APOE: variants seen among roughly 807,000 people sequenced by gnomAD.
APOE encodes the protein apolipoprotein E, also known as apolipoprotein E3.
In APOE, 10 loss-of-function variants were observed where a neutral mutation model predicts 13.1. The ratio of observed to expected loss-of-function variants is 0.76; its 90% confidence interval spans 0.47 to 1.29. The LOEUF (loss-of-function observed/expected upper bound fraction) is 1.29, where lower values mean the gene tolerates loss of function less well. Ranked by LOEUF, APOE falls within the 50% of genes most tolerant of loss-of-function variation. APOE has a pLI of 0.00. For synonymous variants in APOE, 211 were observed against 207.1 expected (o/e 1.02, Z -0.16); for missense variants, 471 against 459.6 (o/e 1.02, Z -0.23).
intron 3 of APOE, 90 bp from the exon 4 acceptor site, chr19:44,908,443 C>T: frequency 7.5e-7 from 1 of 1,337,916 alleles, no homozygotes; most frequent in South Asian, 1.2e-5. Context: ...CCTCTTGGGT[C>T]TCTCTGGCTC....
rs778237451 is a variant in APOE at position 44,909,071 on chromosome 19, G to C, written c.775G>C (p.Ala259Pro). ...EVKEQVAEVR[A>P]KLEEQAQQIR... Reference sequence around the variant, plus strand: ...GAAGGAGCAGGTGGCGGAGGTGCGCGCCAAGCTGGAGGAGCAGGCCCAGCA... The same window carrying C: ...GAAGGAGCAGGTGGCGGAGGTGCGCCCCAAGCTGGAGGAGCAGGCCCAGCA... The change falls in exon 4 of 4, where the codon GCC becomes CCC. Residue 259 changes from alanine to proline, a missense_variant. By Grantham distance (27) the Ala-to-Pro change is conservative. Coordinates refer to ENST00000252486, the MANE Select transcript of APOE (RefSeq NM_000041.4). 6.4e-7 allele frequency: 1 copy of C among 1,572,742 alleles called. No homozygotes were observed. Among genetic ancestry groups the C allele is most frequent in the South Asian group, 1.1e-5 (1 of 87,016 alleles).
At position 44,908,619 on chromosome 19, in the gene APOE, G is replaced by A. The variant is rs749160976; in HGVS notation, c.323G>A (p.Arg108Gln). ...CTGACCCCGGTGGCGGAGGAGACGCGGGCACGGCTGTCCAAGGAGCTGCAG... is the reference window on the plus strand; with the variant it reads ...CTGACCCCGGTGGCGGAGGAGACGCAGGCACGGCTGTCCAAGGAGCTGCAG... ...EQLTPVAEET[R>Q]ARLSKELQAA... is the part of the protein sequence containing the mutation. The change falls in exon 4 of 4, where the codon CGG becomes CAG. Residue 108 changes from arginine (R) to glutamine (Q), a missense_variant. By Grantham distance (43) the Arg-to-Gln change is conservative. Coordinates refer to ENST00000252486, the MANE Select transcript of APOE (RefSeq NM_000041.4). 1.1e-5 allele frequency: 17 copies of A among 1,608,670 alleles called. No individual in the cohort carries two copies. The highest frequency in any genetic ancestry group is 1.4e-5 in the Non-Finnish European group (16 of 1,177,530).
rs559532612 is a variant in APOE at position 44,906,664 on chromosome 19, G to A, written c.40G>A (p.Ala14Thr). ...LWAALLVTFL[A>T]GCQAKVEQAV... Reference sequence around the variant, plus strand: ...GGCTGCGTTGCTGGTCACATTCCTGGCAGGTATGGGGGCGGGGCTTGCTCG... The same window carrying A: ...GGCTGCGTTGCTGGTCACATTCCTGACAGGTATGGGGGCGGGGCTTGCTCG... The change falls in exon 2 of 4, where the codon GCA becomes ACA. Residue 14 changes from alanine to threonine, a missense_variant. Transcript: ENST00000252486. 2 of 1,613,966 alleles carry A rather than the reference G, an allele frequency of 1.2e-6. No individual in the cohort carries two copies. Among genetic ancestry groups the A allele is most frequent in the Admixed American group, 1.7e-5 (1 of 60,000 alleles).
At position 44,909,016 on chromosome 19, in the gene APOE, C is replaced by T. The variant is rs1599954305; in HGVS notation, c.720C>T (p.Gly240=). 6.5e-7 allele frequency: 1 copy of T among 1,537,850 alleles called. No homozygotes were observed. The highest frequency in any genetic ancestry group is 2.4e-5 in the East Asian group (1 of 40,942). ...ERLRARMEEM[G]SRTRDRLDEV... ...TGCGCGCGCGGATGGAGGAGATGGG[C>T]AGCCGGACCCGCGACCGCCTGGACG... Residue 240 remains glycine (G), a synonymous_variant, in exon 4 of 4, where the codon GGC becomes GGT. Coordinates refer to ENST00000252486, the MANE Select transcript of APOE (RefSeq NM_000041.4).
intron 2 of APOE, 53 bp downstream of exon 2, chr19:44,906,720 A>T: frequency 1.3e-6 from 2 of 1,576,250 alleles, no homozygotes; most frequent in Non-Finnish European, 1.7e-6. Context: ...TCTCATCCTC[A>T]CCTCAACCTC....
chr19:44,906,491 G>C, intron 1 of APOE, 111 bp from the exon 2 acceptor site: 1 of 1,108,600 alleles, frequency 9.0e-7, no homozygotes, highest in Non-Finnish European at 1.4e-6. Context: ...GGCTGTTGCA[G>C]ATAATGCAAC....
In APOE at chr19:44,905,851, G is replaced by A; in HGVS notation, c.-24+10G>A. On this transcript the variant is annotated intron_variant, in intron 1 of 3. Transcript: ENST00000252486. Reference sequence around the variant, plus strand: ...CCTTCCCCAGGAGCCGGTGAGAAGCGCAGTCGGGGGCACGGGGATGAGCTC... The same window carrying A: ...CCTTCCCCAGGAGCCGGTGAGAAGCACAGTCGGGGGCACGGGGATGAGCTC... 1 of 1,295,746 alleles carries A rather than the reference G, an allele frequency of 7.7e-7. No individual in the cohort carries two copies. The highest frequency in any genetic ancestry group is 1.0e-6 in the Non-Finnish European group (1 of 985,924). 80.3% of individuals were successfully genotyped at this position (1,295,746 alleles called of 1,614,324 possible). A position where few individuals can be genotyped will look rare whatever the true frequency, so the allele number is the denominator to read the frequency against.
In APOE at chr19:44,909,221, G is replaced by T; in HGVS notation, c.925G>T (p.Ala309Ser). ...EKVQAAVGTS[A>S]APVPSDNH ...GGTGCAGGCTGCCGTGGGCACCAGCGCCGCCCCTGTGCCCAGCGACAATCA... is the reference window on the plus strand; with the variant it reads ...GGTGCAGGCTGCCGTGGGCACCAGCTCCGCCCCTGTGCCCAGCGACAATCA... The change falls in exon 4 of 4, where the codon GCC (alanine) becomes TCC (serine). Residue 309 changes from alanine to serine, a missense_variant. Coordinates refer to ENST00000252486, the MANE Select transcript of APOE (RefSeq NM_000041.4). 6.3e-7 allele frequency: 1 copy of T among 1,596,610 alleles called. No homozygotes were observed. Among genetic ancestry groups the T allele is most frequent in the Non-Finnish European group, 8.5e-7 (1 of 1,178,994 alleles).
intron 1 of APOE, 171 bp downstream of exon 1, chr19:44,906,012 C>A (rs1040320817): frequency 2.6e-5 from 28 of 1,070,968 alleles, no homozygotes; most frequent in Non-Finnish European, 3.4e-5. Flanking sequence ...CTGGGAAGGG[C>A]TGGGCAGCAG....
chr19:44,906,915 C>G (rs1969819883), intron 2 of APOE: 1 of 552,248 alleles, frequency 1.8e-6, no homozygotes, highest in Admixed American at 3.1e-5. Context: ...AAGTCTCGCT[C>G]TGTCGCCCAG....
In APOE at chr19:44,908,625, G is replaced by C; in HGVS notation, c.329G>C (p.Arg110Pro). The C allele has an allele frequency of 6.2e-7, 1 of 1,607,240 alleles. No homozygotes were observed. Among genetic ancestry groups the C allele is most frequent in the Non-Finnish European group, 8.5e-7 (1 of 1,176,812 alleles). Residue 110 changes from arginine to proline, a missense_variant, in exon 4 of 4, where the codon CGG becomes CCG. Physicochemically the swap from Arg to Pro is moderately radical, Grantham distance 103. Coordinates refer to ENST00000252486, the MANE Select transcript of APOE (RefSeq NM_000041.4). ...CCGGTGGCGGAGGAGACGCGGGCACGGCTGTCCAAGGAGCTGCAGGCGGCG... is the reference window on the plus strand; with the variant it reads ...CCGGTGGCGGAGGAGACGCGGGCACCGCTGTCCAAGGAGCTGCAGGCGGCG... ...LTPVAEETRA[R>P]LSKELQAAQA...
intron 3 of APOE, among the ~76,000 whole-genome samples, chr19:44,908,316 A>G (rs1457636366): frequency 2.0e-5 from 3 of 152,104 alleles, no homozygotes; most frequent in Non-Finnish European, 2.9e-5. Context: ...GATTAGAGGC[A>G]TGAGCCACCT....
intron 1 of APOE, 49 bp from the exon 2 acceptor site, chr19:44,906,553 G>C: frequency 1.2e-6 from 2 of 1,607,208 alleles, no homozygotes; most frequent in Non-Finnish European, 1.7e-6. Context: ...CGGGCTGGGG[G>C]TGGGAGGAGT....
chr19:44,909,290 TGCCTCCTGCCTCCGCGCAG>T lies in APOE; in HGVS notation c.*41_*59del. ...AGCCATGCGACCCCACGCCACCCCG[TGCCTCCTGCCTCCGCGCAG>T]CCTGCAGCGGGAGACCCTGTCCCCG... On this transcript the variant is annotated 3_prime_UTR_variant, in exon 4 of 4. Coordinates refer to ENST00000252486, the MANE Select transcript of APOE (RefSeq NM_000041.4). 1 of 1,569,274 alleles carries T rather than the reference TGCCTCCTGCCTCCGCGCAG, an allele frequency of 6.4e-7. No homozygotes were observed. The highest frequency in any genetic ancestry group is 8.6e-7 in the Non-Finnish European group (1 of 1,156,272).
rs1190120890 is a variant in APOE at position 44,908,816 on chromosome 19, C to A, written c.520C>A (p.Gln174Lys). Residue 174 changes from glutamine (Q) to lysine (K), a missense_variant, in exon 4 of 4, where the codon CAG (glutamine) becomes AAG (lysine). Physicochemically the swap from Gln to Lys is moderately conservative, Grantham distance 53. Coordinates refer to ENST00000252486, the MANE Select transcript of APOE (RefSeq NM_000041.4). ...GCTCCTCCGCGATGCCGATGACCTG[C>A]AGAAGCGCCTGGCAGTGTACCAGGC... is the stretch of plus-strand genomic sequence containing the variant. ...KRLLRDADDLQKRLAVYQAGA... is the reference protein window; with the variant it reads ...KRLLRDADDLKKRLAVYQAGA... 5 of 1,543,574 alleles carry A rather than the reference C, an allele frequency of 3.2e-6. No homozygotes were observed. In the South Asian group the frequency reaches 5.9e-5, roughly 18 times the overall value.
chr19:44,908,311 G>A (rs1457006429), intron 3 of APOE, among the ~76,000 whole-genome samples: 1 of 152,048 alleles, frequency 6.6e-6, no homozygotes, highest in African/African-American at 2.4e-5. Flanking sequence ...GCTGGGATTA[G>A]AGGCATGAGC....
chr19:44,909,158 G>A lies in APOE; in HGVS notation c.862G>A (p.Glu288Lys). 1 of 1,601,458 alleles carries A rather than the reference G, an allele frequency of 6.2e-7. No individual in the cohort carries two copies. Among genetic ancestry groups the A allele is most frequent in the East Asian group, 2.2e-5 (1 of 44,806 alleles). Residue 288 changes from glutamate to lysine, a missense_variant, in exon 4 of 4, where the codon GAA becomes AAA. By Grantham distance (56) the Glu-to-Lys change is moderately conservative. Coordinates refer to ENST00000252486, the MANE Select transcript of APOE (RefSeq NM_000041.4). ...RLKSWFEPLV[E>K]DMQRQWAGLV... is the part of the protein sequence containing the mutation. ...CAAGAGCTGGTTCGAGCCCCTGGTG[G>A]AAGACATGCAGCGCCAGTGGGCCGG...
rs774354369 is a variant in APOE at position 44,909,223 on chromosome 19, C to G, written c.927C>G (p.Ala309=). The G allele has an allele frequency of 5.6e-6, 9 of 1,596,632 alleles. No homozygotes were observed. The highest frequency in any genetic ancestry group is 5.9e-6 in the Non-Finnish European group (7 of 1,179,064). ...TGCAGGCTGCCGTGGGCACCAGCGC[C>G]GCCCCTGTGCCCAGCGACAATCACT... ...EKVQAAVGTS[A]APVPSDNH Residue 309 remains alanine, a synonymous_variant, in exon 4 of 4, where the codon GCC becomes GCG. Transcript: ENST00000252486.
intron 1 of APOE, chr19:44,906,394 G>C: frequency 1.7e-6 from 1 of 601,802 alleles, no homozygotes; most frequent in Non-Finnish European, 3.0e-6. Context: ...TATGGAGGCC[G>C]ACCTGGGGAT....
Sources: allele counts gnomAD v4.1 joint callset (sites outside exome capture counted in the v4.1 genomes callset), GRCh38; gene constraint gnomAD v4.1.1; transcripts MANE v1.5; gene names NCBI Gene and HGNC (gene_info 2026-07-23, HGNC 2026-07-21).